Variants in BIRC2 observed in about 807,000 individuals in gnomAD.
BIRC2 encodes the protein baculoviral IAP repeat-containing protein 2.
A neutral mutation model predicts 60.9 loss-of-function variants in BIRC2; 18 were observed. The observed-to-expected ratio is 0.30, with a 90% CI of 0.20 to 0.44. The LOEUF (loss-of-function observed/expected upper bound fraction) is 0.44. BIRC2 is among the 20% of genes least tolerant of loss of function. BIRC2 has a pLI of 1.00. For synonymous variants in BIRC2, 282 were observed against 247.7 expected, an observed-to-expected ratio of 1.14 and a Z score of -1.30; for missense variants, 701 against 728.5, an observed-to-expected ratio of 0.96 and a Z score of 0.43.
intron 3 of BIRC2, among the ~76,000 whole-genome samples, chr11:102,354,710 A>G (rs574283309): frequency 6.6e-5 from 10 of 152,166 alleles, no homozygotes; most frequent in Admixed American, 2.6e-4. Flanking sequence ...ATTACCAACA[A>G]TGGTCAAGGG....
At chr11:102,369,995 C>A (rs1308636173) in intron 6 of BIRC2, among the ~76,000 whole-genome samples, 1 of 152,160 alleles carries the variant, frequency 6.6e-6, no homozygotes. Flanking sequence ...GTCCTTTGCC[C>A]ACTTTTTGAT....
chr11:102,368,666 GTCA>G lies in BIRC2; in HGVS notation c.1366+120_1366+122del, dbSNP rs1385551976. ...ACTAACTGCTGGTAGCAGTCCTCCA[GTCA>G]TTTCGAAACCATCCCTCCTTTTCTA... On this transcript the variant is annotated intron_variant, in intron 6 of 8. Transcript: ENST00000227758. 2.2e-6 allele frequency: 3 copies of G among 1,392,258 alleles called. No individual in the cohort carries two copies. The African/African-American group carries it at 4.3e-5, about 20-fold the overall frequency. The allele number at this position is 1,392,258 out of a possible 1,614,324, so 86.2% of individuals were successfully genotyped here. A position where few individuals can be genotyped will look rare whatever the true frequency, so the allele number is the denominator to read the frequency against.
At position 102,377,975 on chromosome 11, in the gene BIRC2, A is replaced by T. The variant is rs776675430; in HGVS notation, c.1664-15A>T. 6.2e-7 allele frequency: 1 copy of T among 1,600,870 alleles called. No individual in the cohort carries two copies. Among genetic ancestry groups the T allele is most frequent in the Non-Finnish European group, 8.5e-7 (1 of 1,176,068 alleles). On this transcript the variant is annotated splice_polypyrimidine_tract_variant and intron_variant, in intron 8 of 8. Coordinates refer to ENST00000227758, the MANE Select transcript of BIRC2 (RefSeq NM_001166.5). ...AAGTGGAAACAATTTCACTAAAGTT[A>T]TTTTTTGTTATTAGGTCTGTCACTG...
At chr11:102,361,648 G>T (rs1460547251) in intron 3 of BIRC2, among the ~76,000 whole-genome samples, 3 of 152,140 alleles carry the variant, frequency 2.0e-5, no homozygotes, top group Non-Finnish European at 2.9e-5. Flanking sequence ...GAAGTCTGTG[G>T]CTATCTTGAG....
chr11:102,353,663 C>T (rs1653254013), intron 3 of BIRC2, among the ~76,000 whole-genome samples: 1 of 148,044 alleles, frequency 6.8e-6, no homozygotes, highest in South Asian at 2.1e-4. Context: ...AATCCATCAC[C>T]TTATGTAGTA....
At chr11:102,364,174 T>TATATATAA (rs1389968594) in intron 5 of BIRC2, among the ~76,000 whole-genome samples, 1 of 78,114 alleles carries the variant, frequency 1.3e-5, no homozygotes, top group Non-Finnish European at 2.3e-5. Flanking sequence ...TATATATATA[T>TATATATAA]ACACACACAC....
In BIRC2 at chr11:102,353,925, C is replaced by T. The variant is rs79814309; in HGVS notation, c.995+2982C>T. Among the ~76,000 whole-genome samples, 646 of 152,132 alleles carry T rather than the reference C, an allele frequency of 4.2e-3. 2 individuals carry two copies. The highest frequency in any genetic ancestry group is 0.015 in the African/African-American group (626 of 41,506). ...CAGTATAGTTGTCCCTTGGTATGCT[C>T]GGAGGACTGGTTCTAGGACCCCCAT... On this transcript the variant is annotated intron_variant, in intron 3 of 8. Transcript: ENST00000227758.
chr11:102,368,238 G>A (rs766895093), intron 5 of BIRC2, 68 bp from the exon 6 acceptor site: 1 of 1,509,764 alleles, frequency 6.6e-7, no homozygotes, highest in Non-Finnish European at 9.0e-7. Flanking sequence ...TAAAGATTGT[G>A]CCATGATACT....
rs376075036 is a variant in BIRC2 at position 102,349,883 on chromosome 11, T to C, written c.29T>C (p.Phe10Ser). The C allele has an allele frequency of 6.2e-7, 1 of 1,610,940 alleles. No individual in the cohort carries two copies. The highest frequency in any genetic ancestry group is 8.5e-7 in the Non-Finnish European group (1 of 1,177,928). Residue 10 changes from phenylalanine (F) to serine (S), a missense_variant, in exon 2 of 9, where the codon TTC becomes TCC. By Grantham distance (155) the Phe-to-Ser change is radical. Around this residue, in one of 4 missense-constraint regions of BIRC2, gnomAD observed 375 missense variants for 365.9 expected, o/e 1.02. Transcript: ENST00000227758. The part of the protein sequence containing the change: MHKTASQRL[F>S]PGPSYQNIKS... ...CACAAAACTGCCTCCCAAAGACTTT[T>C]CCCAGGTCCCTCGTATCAAAACATT...
At chr11:102,348,337 C>A (rs79540552) in intron 1 of BIRC2, 9 of 153,010 alleles carry the variant, frequency 5.9e-5, no homozygotes, top group African/African-American at 2.2e-4. Flanking sequence ...CAAAATGTTT[C>A]CTGTGTGAAA....
At position 102,369,294 on chromosome 11, in the gene BIRC2, C is replaced by T. The variant is rs1186098826; in HGVS notation, c.1366+746C>T. On this transcript the variant is annotated intron_variant, in intron 6 of 8. Transcript: ENST00000227758. ...TCATCATCTAGCATTAGGTATATCT[C>T]CCAATGCTATCCCTCCCCCCTCCCC... Among the ~76,000 whole-genome samples the T allele has an allele frequency of 8.6e-4, 124 of 143,628 alleles. 1 individual carries two copies. The highest frequency in any genetic ancestry group is 7.6e-3 in the Admixed American group (111 of 14,536). The allele number at this position is 143,628 out of a possible 152,430, so 94.2% of individuals were successfully genotyped here. A position where few individuals can be genotyped will look rare whatever the true frequency, so the allele number is the denominator to read the frequency against.
chr11:102,360,989 T>G (rs1343380254), intron 3 of BIRC2, among the ~76,000 whole-genome samples: 1 of 152,060 alleles, frequency 6.6e-6, no homozygotes, highest in African/African-American at 2.4e-5. Context: ...AGCAAGGCTT[T>G]TTTTAGTCTA....
In BIRC2 at chr11:102,377,846, T is replaced by C; in HGVS notation, c.1622-11T>C. 6.2e-7 allele frequency: 1 copy of C among 1,603,114 alleles called. No individual in the cohort carries two copies. The highest frequency in any genetic ancestry group is 8.5e-7 in the Non-Finnish European group (1 of 1,177,266). Reference sequence around the variant, plus strand: ...TAGTAGAGTAATGGTTTTTATGTTTTCTTTCCTCAGTGGATAAGAATATGA... The same window carrying C: ...TAGTAGAGTAATGGTTTTTATGTTTCCTTTCCTCAGTGGATAAGAATATGA... On this transcript the variant is annotated splice_polypyrimidine_tract_variant and intron_variant, in intron 7 of 8. Transcript: ENST00000227758.
chr11:102,349,928 G>C lies in BIRC2; in HGVS notation c.74G>C (p.Ser25Thr). 1 of 1,614,150 alleles carries C rather than the reference G, an allele frequency of 6.2e-7. No homozygotes were observed. The highest frequency in any genetic ancestry group is 8.5e-7 in the Non-Finnish European group (1 of 1,180,014). The change falls in exon 2 of 9, where the codon AGC becomes ACC. Residue 25 changes from serine to threonine, a missense_variant. This residue lies in a region of BIRC2 where 375 missense variants were observed against 365.9 expected (regional missense o/e 1.02). Coordinates refer to ENST00000227758, the MANE Select transcript of BIRC2 (RefSeq NM_001166.5). ...YQNIKSIMED[S>T]TILSDWTNSN... ...AACATTAAGAGTATAATGGAAGATA[G>C]CACGATCTTGTCAGATTGGACAAAC...
chr11:102,350,605 G>C lies in BIRC2; in HGVS notation c.751G>C (p.Glu251Gln). Residue 251 changes from glutamate (E) to glutamine (Q), a missense_variant, in exon 2 of 9, where the codon GAA becomes CAA. By Grantham distance (29) the Glu-to-Gln change is conservative. This residue lies in a region of BIRC2 where 375 missense variants were observed against 365.9 expected (regional missense o/e 1.02). Transcript: ENST00000227758. ...RRHFPNCPFL[E>Q]NSLETLRFSI... is the part of the protein sequence containing the mutation. ...GCATTTTCCCAACTGTCCATTTTTG[G>C]AAAATTCTCTAGAAACTCTGAGGTT... 7 of 1,614,128 alleles carry C rather than the reference G, an allele frequency of 4.3e-6. No homozygotes were observed. The highest frequency in any genetic ancestry group is 5.1e-6 in the Non-Finnish European group (6 of 1,180,022).
At chr11:102,359,708 T>G (rs1197778108) in intron 3 of BIRC2, among the ~76,000 whole-genome samples, 1 of 152,196 alleles carries the variant, frequency 6.6e-6, no homozygotes, top group Non-Finnish European at 1.5e-5. Context: ...CCACTTGTGG[T>G]CTTATAGGGT....
chr11:102,354,382 CTG>C (rs570229892), intron 3 of BIRC2, among the ~76,000 whole-genome samples: 20 of 152,150 alleles, frequency 1.3e-4, no homozygotes, highest in Middle Eastern at 3.4e-3. Flanking sequence ...GCTAATTACT[CTG>C]TTTTTGTAGA....
chr11:102,374,924 G>A (rs1951689714), intron 6 of BIRC2, among the ~76,000 whole-genome samples: 1 of 152,204 alleles, frequency 6.6e-6, no homozygotes, highest in Admixed American at 6.5e-5. Flanking sequence ...GGAGTGACCC[G>A]ATTTTCCAGG....
intron 3 of BIRC2, among the ~76,000 whole-genome samples, chr11:102,352,674 G>C (rs918279806): frequency 6.6e-6 from 1 of 151,626 alleles, no homozygotes; most frequent in African/African-American, 2.4e-5. Context: ...CAAGTGATCT[G>C]CTCACCTTTG....
Sources: allele counts gnomAD v4.1 joint callset (sites outside exome capture counted in the v4.1 genomes callset), GRCh38; gene constraint gnomAD v4.1.1; regional missense constraint gnomAD v4.1.1; transcripts MANE v1.5; gene names NCBI Gene and HGNC (gene_info 2026-07-23, HGNC 2026-07-21).